WTAP: variants seen among roughly 807,000 people sequenced by gnomAD.
The protein encoded by WTAP is pre-mRNA-splicing regulator WTAP.
Under a neutral mutation model 50.0 loss-of-function variants are expected in WTAP, and 8 were observed. The observed-to-expected ratio is 0.16, with a 90% CI of 0.09 to 0.29. The LOEUF (loss-of-function observed/expected upper bound fraction) is 0.29. Ranked by LOEUF, WTAP falls within the 10% of genes least tolerant of loss-of-function variation. The pLI is 1.00. For synonymous variants in WTAP, 194 were observed against 169.0 expected (o/e 1.15, Z -1.15); for missense variants, 295 against 470.7 (o/e 0.63, Z 3.45).
intron 2 of WTAP, 37 bp downstream of exon 2, chr6:159,736,332 TG>T: frequency 6.6e-7 from 1 of 1,515,682 alleles, no homozygotes; most frequent in Non-Finnish European, 9.1e-7. Context: ...TGTTTTGTTT[TG>T]GGTTTTTTGG....
At chr6:159,732,106 C>T (rs906067682) in intron 1 of WTAP, among the ~76,000 whole-genome samples, 25 of 152,052 alleles carry the variant, frequency 1.6e-4, no homozygotes, top group African/African-American at 5.8e-4. Flanking sequence ...ACTCAGGTTT[C>T]GCATCCCGTG....
At position 159,755,540 on chromosome 6, in the gene WTAP, C is replaced by A. The variant is rs1489247488; in HGVS notation, c.1120C>A (p.Arg374=). 1.2e-6 allele frequency: 2 copies of A among 1,613,976 alleles called. No individual in the cohort carries two copies. The highest frequency in any genetic ancestry group is 1.3e-5 in the African/African-American group (1 of 74,872). Residue 374 remains arginine (R), a synonymous_variant, in exon 8 of 8, where the codon CGA becomes AGA. Transcript: ENST00000621533. ...GAAAGCAGTGAGTGGGAAAGGTAAT[C>A]GAACTGTGGGTTCCCGCCACGTTCA... The part of the protein sequence containing the change: ...EEKAVSGKGN[R]TVGSRHVQNG...
In WTAP at chr6:159,727,669, G is replaced by C. The variant is rs1056805779; in HGVS notation, c.-43G>C. On this transcript the variant is annotated 5_prime_UTR_variant, in exon 1 of 8. Transcript: ENST00000621533. ...CAAGCAGCGCGGCCTCGGCCTATGC[G>C]ACCGGTGGCGCCGGCGCGGCTTCTG... 1 of 985,292 alleles carries C rather than the reference G, an allele frequency of 1.0e-6. No individual in the cohort carries two copies. Among genetic ancestry groups the C allele is most frequent in the African/African-American group, 1.8e-5 (1 of 57,134 alleles). 61.0% of individuals were successfully genotyped at this position (985,292 alleles called of 1,614,324 possible).
At chr6:159,733,889 C>T in intron 1 of WTAP, among the ~76,000 whole-genome samples, 1 of 152,166 alleles carries the variant, frequency 6.6e-6, no homozygotes, top group Non-Finnish European at 1.5e-5. Context: ...GCACTCCACC[C>T]CGGGCAACAA....
Position 159,748,077 on chromosome 6 carries a change from G to A in WTAP, c.274-114G>A, listed in dbSNP as rs1779682699. 5 of 1,288,820 alleles carry A rather than the reference G, an allele frequency of 3.9e-6. No homozygotes were observed. In the South Asian group the frequency reaches 7.7e-5, roughly 20 times the overall value. The allele number at this position is 1,288,820 out of a possible 1,614,324, so 79.8% of individuals were successfully genotyped here. A position where few individuals can be genotyped will look rare whatever the true frequency, so the allele number is the denominator to read the frequency against. ...TTCTAGAGAATTTCAGGATCAAAGA[G>A]GGGAGGAGCTTAATGAAAGAGTTGG... On this transcript the variant is annotated intron_variant, in intron 5 of 7. Coordinates refer to ENST00000621533, the MANE Select transcript of WTAP (RefSeq NM_001270531.2). The surrounding 1 kb of genome is among the most constrained non-coding windows in gnomAD (Gnocchi z 5.6).
chr6:159,738,055 T>A (rs1463373102), intron 2 of WTAP, among the ~76,000 whole-genome samples: 1 of 152,210 alleles, frequency 6.6e-6, no homozygotes, highest in African/African-American at 2.4e-5. Flanking sequence ...GGAATTGACA[T>A]TGGTACAATC....
intron 5 of WTAP, among the ~76,000 whole-genome samples, chr6:159,747,881 A>T (rs1583100983): frequency 1.1e-5 from 1 of 87,916 alleles, no homozygotes; most frequent in Admixed American, 1.5e-4. Context: ...TTCCTAAGTG[A>T]GTAACCTTAA....
chr6:159,752,096 C>T (rs1459854974), intron 6 of WTAP, among the ~76,000 whole-genome samples: 1 of 151,168 alleles, frequency 6.6e-6, no homozygotes, highest in East Asian at 1.9e-4. Context: ...GGTGAAAGAA[C>T]CATGCAACAC....
chr6:159,741,671 G>A (rs1382823118), intron 3 of WTAP: 1 of 162,206 alleles, frequency 6.2e-6, no homozygotes, highest in Non-Finnish European at 1.3e-5. Flanking sequence ...AAGGAATAAT[G>A]AGGGACTATT....
upstream of WTAP, chr6:159,727,374 T>TGGCGGGGGGCGGGAGGCGGGAGGCGGGA (rs1778238104): frequency 9.8e-7 from 1 of 1,021,480 alleles, no homozygotes; most frequent in African/African-American, 2.1e-5. Context: ...GCGGGGAGGC[T>TGGCGGGGGGCGGGAGGCGGGAGGCGGGA]GGCGGGAGGC....
rs764774427 is a variant in WTAP, at chr6:159,743,793, G to GT, written c.273+2dup. 8 of 1,598,816 alleles carry GT rather than the reference G, an allele frequency of 5.0e-6. No homozygotes were observed. The Admixed American group carries it at 5.4e-5, about 11-fold the overall frequency. On this transcript the variant is annotated splice_donor_variant, in intron 5 of 7. Coordinates refer to ENST00000621533, the MANE Select transcript of WTAP (RefSeq NM_001270531.2). LOFTEE classifies it high-confidence loss of function. ...GGAACAAGAGATGCAAGAGTGTACT[G>GT]TAAGTATTTCAAGTTATATAAATGT...
In WTAP at chr6:159,748,057, GAGA is replaced by G; in HGVS notation, c.274-132_274-130del. On this transcript the variant is annotated intron_variant, in intron 5 of 7. Coordinates refer to ENST00000621533, the MANE Select transcript of WTAP (RefSeq NM_001270531.2). This position sits in a 1 kb window ranked among gnomAD's most constrained non-coding sequence, Gnocchi z 5.6. The stretch of plus-strand genomic sequence containing the variant: ...TCTAGAAAGTTTTAAGATTTTTCTA[GAGA>G]ATTTCAGGATCAAAGAGGGGAGGAG... The G allele has an allele frequency of 8.6e-7, 1 of 1,167,744 alleles. No individual in the cohort carries two copies. The highest frequency in any genetic ancestry group is 2.6e-5 in the East Asian group (1 of 38,826). The allele number at this position is 1,167,744 out of a possible 1,614,324, so 72.3% of individuals were successfully genotyped here. A position where few individuals can be genotyped will look rare whatever the true frequency, so the allele number is the denominator to read the frequency against.
chr6:159,735,152 T>C (rs181440170), intron 1 of WTAP, among the ~76,000 whole-genome samples: 64 of 152,300 alleles, frequency 4.2e-4, no homozygotes, highest in Non-Finnish European at 1.0e-4. Flanking sequence ...TTTTGTTGTT[T>C]GTTTGTTTGA....
intron 1 of WTAP, among the ~76,000 whole-genome samples, 165 bp downstream of exon 1, chr6:159,727,868 G>A (rs1343556998): frequency 6.6e-6 from 1 of 152,230 alleles, no homozygotes. Context: ...CCGCCTGCGG[G>A]GAACACTTCC....
chr6:159,734,508 T>C (rs1406914232), intron 1 of WTAP, among the ~76,000 whole-genome samples: 1 of 152,134 alleles, frequency 6.6e-6, no homozygotes, highest in Non-Finnish European at 1.5e-5. Flanking sequence ...TTCATGAGTA[T>C]ACTATTAGAA....
upstream of WTAP, chr6:159,727,148 G>C (rs868556302): frequency 3.3e-6 from 4 of 1,195,184 alleles, no homozygotes; most frequent in Middle Eastern, 9.8e-4. Flanking sequence ...TGAGCTCCGG[G>C]GCCCGCGGAG....
At chr6:159,728,899 C>T (rs545589642) in intron 1 of WTAP, among the ~76,000 whole-genome samples, 29 of 152,178 alleles carry the variant, frequency 1.9e-4, no homozygotes, top group Non-Finnish European at 2.9e-4. Flanking sequence ...AGAATTTGGA[C>T]AAGCTACCAG....
At chr6:159,726,954 C>A (rs1282695991), upstream of WTAP, 21 of 1,287,200 alleles carry the variant, frequency 1.6e-5, no homozygotes, top group East Asian at 5.6e-5. Flanking sequence ...CACGGATGAG[C>A]GTCACGAACA....
chr6:159,732,561 G>C (rs549347438), intron 1 of WTAP, among the ~76,000 whole-genome samples: 64 of 152,326 alleles, frequency 4.2e-4, no homozygotes, highest in African/African-American at 1.5e-3. Flanking sequence ...TTGGCCGGGC[G>C]CAGTAGCTTA....
Sources: gnomAD v4.1 joint callset for allele counts (sites outside exome capture counted in the v4.1 genomes callset) on GRCh38, gnomAD v4.1.1 for gene constraint, Gnocchi (gnomAD v3.1) non-coding constraint, MANE v1.5 for transcripts, NCBI Gene and HGNC (gene_info 2026-07-23, HGNC 2026-07-21) for gene names.